Variants in NUP153 observed in about 807,000 individuals in gnomAD.
NUP153 encodes nuclear pore complex protein Nup153.
NUP153 carries 27 observed loss-of-function variants against 134.6 expected under a neutral mutation model. The observed-to-expected ratio is 0.20, with a 90% CI of 0.15 to 0.28. The LOEUF is 0.28. Ranked by LOEUF, NUP153 falls within the 10% of genes least tolerant of loss-of-function variation. The pLI, the probability that NUP153 is intolerant of heterozygous loss-of-function variation, is 1.00. For synonymous variants in NUP153, 640 were observed against 623.5 expected (o/e 1.03, Z -0.40); for missense variants, 1,821 against 1,731.3 (o/e 1.05, Z -0.92).
intron 1 of NUP153, among the ~76,000 whole-genome samples, chr6:17,705,611 C>T (rs987854842): frequency 4.0e-5 from 6 of 150,564 alleles, no homozygotes; most frequent in African/African-American, 1.2e-4. Flanking sequence ...AGTCGCGCAG[C>T]AGAGAAAAGA....
intron 1 of NUP153, among the ~76,000 whole-genome samples, chr6:17,701,606 A>G (rs549666449): frequency 6.6e-6 from 1 of 151,132 alleles, no homozygotes; most frequent in South Asian, 2.1e-4. Flanking sequence ...GGTTGCAGTG[A>G]GCCGAGGTCG....
intron 18 of NUP153, among the ~76,000 whole-genome samples, chr6:17,626,905 GTTCT>G (rs1764979576): frequency 6.6e-6 from 1 of 152,120 alleles, no homozygotes; most frequent in South Asian, 2.1e-4. Flanking sequence ...TGCCTTTTGT[GTTCT>G]TTTAGTTATT....
intron 1 of NUP153, among the ~76,000 whole-genome samples, chr6:17,697,881 T>C (rs886223222): frequency 2.6e-5 from 4 of 152,212 alleles, no homozygotes; most frequent in Admixed American, 2.6e-4. Context: ...ATAAACCTTT[T>C]CACAGGAATA....
At chr6:17,664,344 A>C (rs907233232) in intron 9 of NUP153, among the ~76,000 whole-genome samples, 1 of 152,166 alleles carries the variant, frequency 6.6e-6, no homozygotes, top group African/African-American at 2.4e-5. Flanking sequence ...AAAACCACTG[A>C]ATTGAAAACT....
chr6:17,703,575 GGAT>G (rs1435556896), intron 1 of NUP153, among the ~76,000 whole-genome samples: 2 of 151,018 alleles, frequency 1.3e-5, no homozygotes, highest in Non-Finnish European at 2.9e-5. Context: ...TGACAGCCTA[GGAT>G]AATAAACAGC....
At chr6:17,672,612 T>A (rs1274017504) in intron 5 of NUP153, among the ~76,000 whole-genome samples, 4 of 152,076 alleles carry the variant, frequency 2.6e-5, no homozygotes, top group Admixed American at 2.6e-4. Context: ...GCAAAAGCTA[T>A]TCAATGAACA....
At chr6:17,692,221 A>G (rs574950095) in intron 1 of NUP153, among the ~76,000 whole-genome samples, 1 of 152,332 alleles carries the variant, frequency 6.6e-6, no homozygotes, top group South Asian at 2.1e-4. Flanking sequence ...ATGAACTTAG[A>G]TTACAGACCG....
At position 17,632,816 on chromosome 6, in the gene NUP153, G is replaced by A. The variant is rs1321747248; in HGVS notation, c.2493C>T (p.Ser831=). The A allele has an allele frequency of 2.0e-6, 3 of 1,500,780 alleles. No individual in the cohort carries two copies. In the African/African-American group the frequency reaches 4.3e-5, roughly 22 times the overall value. 93.0% of individuals were successfully genotyped at this position (1,500,780 alleles called of 1,614,324 possible). The change falls in exon 17 of 22, where the codon AGC becomes AGT. Residue 831 remains serine, a synonymous_variant. Transcript: ENST00000262077. ...PGSSVPASSS[S]TVPVSLPSGG... ...CAGAAGGCAGAGAGACAGGTACAGT[G>A]CTGCTACTTGAAGCAGGTACTGAAC...
chr6:17,675,221 G>C lies in NUP153; in HGVS notation c.723+8C>G. The C allele has an allele frequency of 1.2e-6, 2 of 1,613,814 alleles. No individual in the cohort carries two copies. The highest frequency in any genetic ancestry group is 1.3e-5 in the African/African-American group (1 of 74,970). ...AATGTGATTAAATCCAACCCAGTTA[G>C]TACTCACAGGGGAAAGTGTTCCAAA... On this transcript the variant is annotated splice_region_variant and intron_variant, in intron 4 of 21. Coordinates refer to ENST00000262077, the MANE Select transcript of NUP153 (RefSeq NM_005124.4). The surrounding 1 kb of genome is among the most constrained non-coding windows in gnomAD (Gnocchi z 4.4).
intron 11 of NUP153, among the ~76,000 whole-genome samples, chr6:17,660,568 A>G (rs71556128): frequency 4.8e-4 from 73 of 151,568 alleles, no homozygotes; most frequent in Non-Finnish European, 8.8e-4. Flanking sequence ...ATATACATAC[A>G]TATTTCTTAA....
At chr6:17,659,999 C>T (rs1767088859) in intron 11 of NUP153, among the ~76,000 whole-genome samples, 1 of 152,074 alleles carries the variant, frequency 6.6e-6, no homozygotes, top group South Asian at 2.1e-4. Flanking sequence ...AGCAATAGAG[C>T]CAAGTCTACT....
At chr6:17,668,194 G>A (rs1767666321) in intron 8 of NUP153, among the ~76,000 whole-genome samples, 1 of 149,072 alleles carries the variant, frequency 6.7e-6, no homozygotes, top group Non-Finnish European at 1.5e-5. Flanking sequence ...TCCTGCCTCA[G>A]CCTCCGGAGT....
intron 11 of NUP153, among the ~76,000 whole-genome samples, chr6:17,654,385 G>A (rs946935435): frequency 1.3e-5 from 2 of 151,242 alleles, no homozygotes; most frequent in East Asian, 1.9e-4. Flanking sequence ...GCAGTGGTGC[G>A]ATCTTGGCTC....
chr6:17,647,008 C>T (rs1450034411), intron 13 of NUP153, among the ~76,000 whole-genome samples: 3 of 150,424 alleles, frequency 2.0e-5, no homozygotes, highest in South Asian at 2.1e-4. Flanking sequence ...CCACCTGCCT[C>T]GGCCTCCCAA....
chr6:17,702,993 G>C (rs1378056054), intron 1 of NUP153, among the ~76,000 whole-genome samples: 1 of 121,766 alleles, frequency 8.2e-6, no homozygotes, highest in Non-Finnish European at 1.9e-5. Context: ...CTGAGGTCAG[G>C]AGTTTGAGAC....
intron 5 of NUP153, among the ~76,000 whole-genome samples, chr6:17,671,772 C>T (rs1354216397): frequency 6.6e-6 from 1 of 152,116 alleles, no homozygotes; most frequent in Admixed American, 6.5e-5. Context: ...TTTTGGGAGG[C>T]CAAGGTGGGC....
chr6:17,648,651 T>G (rs1476155559), intron 12 of NUP153, among the ~76,000 whole-genome samples: 1 of 151,746 alleles, frequency 6.6e-6, no homozygotes, highest in Admixed American at 6.6e-5. Context: ...AAAATTTTTT[T>G]AATTAGCTGG....
intron 11 of NUP153, chr6:17,651,704 TA>T (rs1424218025): frequency 1.0e-5 from 4 of 389,454 alleles, no homozygotes; most frequent in Non-Finnish European, 1.8e-5. Context: ...AAGTTTTTTT[TA>T]AAAGGACACT....
At position 17,645,007 on chromosome 6, in the gene NUP153, C is replaced by T. The variant is rs1581695960; in HGVS notation, c.1720+1060G>A. Among the ~76,000 whole-genome samples, 3 of 151,990 alleles carry T rather than the reference C, an allele frequency of 2.0e-5. No homozygotes were observed. The South Asian group carries it at 6.2e-4, about 32-fold the overall frequency. On this transcript the variant is annotated intron_variant, in intron 14 of 21. Coordinates refer to ENST00000262077, the MANE Select transcript of NUP153 (RefSeq NM_005124.4). ...AGGTTGAGGAGGAGAATGGCATGAA[C>T]CTGGGAGGCGGAGGTTGCAGTGAGC...
Sources: gnomAD v4.1 joint callset for allele counts (sites outside exome capture counted in the v4.1 genomes callset) on GRCh38, gnomAD v4.1.1 for gene constraint, Gnocchi (gnomAD v3.1) non-coding constraint, MANE v1.5 for transcripts, NCBI Gene and HGNC (gene_info 2026-07-23, HGNC 2026-07-21) for gene names.